The following SHFL variants were observed in gnomAD, a reference collection of about 807,000 sequenced individuals.
SHFL encodes shiftless antiviral inhibitor of ribosomal frameshifting protein.
Under a neutral mutation model 34.7 loss-of-function variants are expected in SHFL, and 12 were observed. The ratio of observed to expected loss-of-function variants is 0.35; its 90% CI spans 0.22 to 0.56. The LOEUF (loss-of-function observed/expected upper bound fraction) is 0.56. Ranked by LOEUF, SHFL falls within the 20% of genes least tolerant of loss-of-function variation. The pLI, the probability that SHFL is intolerant of heterozygous loss-of-function variation, is 0.88. For synonymous variants in SHFL, 148 were observed against 156.0 expected (o/e 0.95, Z 0.38); for missense variants, 278 against 411.1 (o/e 0.68, Z 2.80).
intron 3 of SHFL, 170 bp downstream of exon 3, chr19:10,087,470 G>C: frequency 1.5e-6 from 1 of 682,176 alleles, no homozygotes; most frequent in Non-Finnish European, 2.5e-6. Context: ...TCATTTGTCC[G>C]GCCAGGGAGC....
In SHFL at chr19:10,092,684, T is replaced by A; in HGVS notation, c.*382T>A. ...CAGTAGACACCATCCTGGTAGCGGC[T>A]TCGGTAGTGGCCGCCGTGGTGCCAC... On this transcript the variant is annotated 3_prime_UTR_variant, in exon 8 of 8. Transcript: ENST00000253110. 6.2e-7 allele frequency: 1 copy of A among 1,614,034 alleles called. No individual in the cohort carries two copies. Among genetic ancestry groups the A allele is most frequent in the Non-Finnish European group, 8.5e-7 (1 of 1,179,924 alleles).
rs1599271416 is a variant in SHFL at position 10,086,384 on chromosome 19, GCCGCGCAGTGCGGAC to G, written c.-41_-27del. The G allele has an allele frequency of 7.8e-7, 1 of 1,283,736 alleles. No homozygotes were observed. The highest frequency in any genetic ancestry group is 3.0e-5 in the East Asian group (1 of 33,670). The allele number at this position is 1,283,736 out of a possible 1,614,324, so 79.5% of individuals were successfully genotyped here. ...CGCACCCAGGTAGGGGGGCGGCTGA[GCCGCGCAGTGCGGAC>G]CCTCGCGGGGAACTGCGCCGCCGCC... On this transcript the variant is annotated 5_prime_UTR_variant, in exon 1 of 8. Coordinates refer to ENST00000253110, the MANE Select transcript of SHFL (RefSeq NM_018381.4). This position sits in a 1 kb window ranked among gnomAD's most constrained non-coding sequence, Gnocchi z 5.2.
intron 3 of SHFL, chr19:10,089,269 A>C: frequency 1.3e-6 from 2 of 1,573,762 alleles, no homozygotes; most frequent in Non-Finnish European, 1.7e-6. Flanking sequence ...TGGAAGTGAT[A>C]CAGCTGGGAT....
In SHFL at chr19:10,092,125, C is replaced by T. The variant is rs2088403151; in HGVS notation, c.699C>T (p.His233=). 6.2e-7 allele frequency: 1 copy of T among 1,613,750 alleles called. No individual in the cohort carries two copies. Among genetic ancestry groups the T allele is most frequent in the Non-Finnish European group, 8.5e-7 (1 of 1,179,824 alleles). ...CAHPKSRKQN[H]LPKVLHPSNP... ...ACCCCAAGAGCCGGAAGCAGAACCA[C>T]CTGCCCAAAGTGCTCCACCCCAGCA... Residue 233 remains histidine, a synonymous_variant, in exon 8 of 8, where the codon CAC becomes CAT. Coordinates refer to ENST00000253110, the MANE Select transcript of SHFL (RefSeq NM_018381.4).
chr19:10,087,689 G>A (rs1250066626), intron 3 of SHFL: 1 of 260,222 alleles, frequency 3.8e-6, no homozygotes, highest in African/African-American at 2.3e-5. Context: ...CAGGGGTCTT[G>A]GGGTGGGGGA....
Position 10,093,192 on chromosome 19 carries a change from T to C in SHFL, c.*890T>C. ...TGGACTCCCCATCCCCCCACCAGGA[T>C]AAAAGTCCTGACCTTTGTTCTCTTG... On this transcript the variant is annotated 3_prime_UTR_variant, in exon 8 of 8. Transcript: ENST00000253110. The C allele has an allele frequency of 9.6e-7, 1 of 1,038,622 alleles. No individual in the cohort carries two copies. 64.3% of individuals were successfully genotyped at this position (1,038,622 alleles called of 1,614,324 possible).
intron 7 of SHFL, 61 bp from the exon 8 acceptor site, chr19:10,092,009 C>G: frequency 6.2e-7 from 1 of 1,606,916 alleles, no homozygotes. Context: ...CCTAAGTCCC[C>G]TCCTCCCCAG....
chr19:10,086,530 G>A lies in SHFL; in HGVS notation c.21+82G>A. 8.0e-7 allele frequency: 1 copy of A among 1,257,766 alleles called. No homozygotes were observed. The highest frequency in any genetic ancestry group is 1.0e-6 in the Non-Finnish European group (1 of 976,948). The allele number at this position is 1,257,766 out of a possible 1,614,324, so 77.9% of individuals were successfully genotyped here. ...CGGGAGGCGCGGAGGGGGCTTCGCA[G>A]TTCCTGGGGACCCCCATCCTAGAAC... On this transcript the variant is annotated intron_variant, in intron 1 of 7. Coordinates refer to ENST00000253110, the MANE Select transcript of SHFL (RefSeq NM_018381.4). The surrounding 1 kb of genome is among the most constrained non-coding windows in gnomAD (Gnocchi z 5.2).
At position 10,089,901 on chromosome 19, in the gene SHFL, GT is replaced by G; in HGVS notation, c.239del (p.Val80GlyfsTer8). The G allele has an allele frequency of 6.2e-7, 1 of 1,611,124 alleles. No individual in the cohort carries two copies. The highest frequency in any genetic ancestry group is 8.5e-7 in the Non-Finnish European group (1 of 1,178,958). ...CCCCACCTGCCCCATTCCACAGGCA[GT>G]GGCGACCTCCCTCCTGCCACTGACA... ...DMKQDRDIQAVATSLLPLTEA... is the reference protein window; with the variant it reads ...DMKQDRDIQAXATSLLPLTEA... On this transcript the variant is annotated frameshift_variant, in exon 5 of 8. Coordinates refer to ENST00000253110, the MANE Select transcript of SHFL (RefSeq NM_018381.4). LOFTEE classifies it high-confidence loss of function.
intron 5 of SHFL, among the ~76,000 whole-genome samples, chr19:10,090,973 C>T (rs146781880): frequency 6.4e-4 from 97 of 152,180 alleles, no homozygotes; most frequent in African/African-American, 2.3e-3. Flanking sequence ...CCAAATCTGG[C>T]TTCTGAACCT....
chr19:10,092,407 G>C lies in SHFL; in HGVS notation c.*105G>C, dbSNP rs536111007. 2 of 1,520,742 alleles carry C rather than the reference G, an allele frequency of 1.3e-6. No homozygotes were observed. The highest frequency in any genetic ancestry group is 4.9e-5 in the East Asian group (2 of 41,158). 94.2% of individuals were successfully genotyped at this position (1,520,742 alleles called of 1,614,324 possible). A position where few individuals can be genotyped will look rare whatever the true frequency, so the allele number is the denominator to read the frequency against. On this transcript the variant is annotated 3_prime_UTR_variant, in exon 8 of 8. Coordinates refer to ENST00000253110, the MANE Select transcript of SHFL (RefSeq NM_018381.4). ...TATGAATGACCTTGGGGAGCCATCT[G>C]AGGCCAAGATATTGACGGGGGGGAT...
rs748813179 is a variant in SHFL at position 10,092,721 on chromosome 19, G to T, written c.*419G>T. The T allele has an allele frequency of 6.2e-7, 1 of 1,613,654 alleles. No homozygotes were observed. The highest frequency in any genetic ancestry group is 1.3e-5 in the African/African-American group (1 of 74,910). ...CGCCGTGGTGCCACACACCGTTGAG[G>T]TTGGAGTGGGCACAGGCATGGTACC... On this transcript the variant is annotated 3_prime_UTR_variant, in exon 8 of 8. Coordinates refer to ENST00000253110, the MANE Select transcript of SHFL (RefSeq NM_018381.4).
Position 10,087,002 on chromosome 19 carries a change from T to G in SHFL, c.95T>G (p.Met32Arg). ...KVSSKKAGAL[M>R]RKFGSDHTGV... ...TCCTCCAAGAAGGCGGGGGCTCTGA[T>G]GAGGAAATTCGGCAGCGACCACACG... Residue 32 changes from methionine (M) to arginine (R), a missense_variant, in exon 2 of 8, where the codon ATG becomes AGG. Transcript: ENST00000253110. 6.2e-7 allele frequency: 1 copy of G among 1,612,962 alleles called. No homozygotes were observed.
In SHFL at chr19:10,090,041, G is replaced by A. The variant is rs887750452; in HGVS notation, c.378G>A (p.Arg126=). Residue 126 remains arginine (R), a synonymous_variant, in exon 5 of 8, where the codon CGG becomes CGA. Coordinates refer to ENST00000253110, the MANE Select transcript of SHFL (RefSeq NM_018381.4). The part of the protein sequence containing the change: ...DHVWWRRVPQ[R]KEVSRCRKCR... Reference sequence around the variant, plus strand: ...TCTGGTGGCGCCGCGTGCCCCAGCGGAAGGAGGTGATGACCTAAAACTTAA... The same window carrying A: ...TCTGGTGGCGCCGCGTGCCCCAGCGAAAGGAGGTGATGACCTAAAACTTAA... 2.5e-6 allele frequency: 4 copies of A among 1,600,544 alleles called. No individual in the cohort carries two copies. Among genetic ancestry groups the A allele is most frequent in the Admixed American group, 1.7e-5 (1 of 58,006 alleles).
At position 10,086,891 on chromosome 19, in the gene SHFL, C is replaced by G. The variant is rs1371827407; in HGVS notation, c.22-38C>G. On this transcript the variant is annotated intron_variant, in intron 1 of 7. Transcript: ENST00000253110. This position sits in a 1 kb window ranked among gnomAD's most constrained non-coding sequence, Gnocchi z 5.2. ...AGATGGGGGAGGGATGATCCCGTTTCCCCTTCCCCCACCGGAACCCCCCTG... is the reference window on the plus strand; with the variant it reads ...AGATGGGGGAGGGATGATCCCGTTTGCCCTTCCCCCACCGGAACCCCCCTG... 6.2e-7 allele frequency: 1 copy of G among 1,609,926 alleles called. No homozygotes were observed. The highest frequency in any genetic ancestry group is 2.2e-5 in the East Asian group (1 of 44,772).
intron 5 of SHFL, 104 bp downstream of exon 5, chr19:10,090,151 A>G: frequency 7.7e-7 from 1 of 1,301,182 alleles, no homozygotes; most frequent in Non-Finnish European, 1.1e-6. Context: ...AATCACTGAG[A>G]GTCCAATCCC....
At chr19:10,089,102 A>G in intron 3 of SHFL, 1 of 614,094 alleles carries the variant, frequency 1.6e-6, no homozygotes, top group Non-Finnish European at 2.9e-6. Flanking sequence ...ATTTATCCCC[A>G]TTTCACAGAC....
Position 10,093,105 on chromosome 19 carries a change from C to G in SHFL, c.*803C>G, listed in dbSNP as rs1430166028. 7.2e-6 allele frequency: 4 copies of G among 558,578 alleles called. No individual in the cohort carries two copies. The highest frequency in any genetic ancestry group is 1.3e-5 in the Non-Finnish European group (4 of 319,676). 34.6% of individuals were successfully genotyped at this position (558,578 alleles called of 1,614,324 possible). ...TCTAGAATAAGAGTACTAGCTCTCA[C>G]CCTCTGCCCTTTACTTGAACAGGAG... On this transcript the variant is annotated 3_prime_UTR_variant, in exon 8 of 8. Coordinates refer to ENST00000253110, the MANE Select transcript of SHFL (RefSeq NM_018381.4).
Position 10,091,508 on chromosome 19 carries a change from G to T in SHFL, c.521G>T (p.Cys174Phe), listed in dbSNP as rs2088388552. 6.5e-7 allele frequency: 1 copy of T among 1,546,280 alleles called. No homozygotes were observed. The highest frequency in any genetic ancestry group is 1.4e-5 in the African/African-American group (1 of 72,820). ...GWAQMGSPSP[C>F]YGCGFPVYPT... ...GCACAGATGGGGTCCCCGTCCCCCT[G>T]CTACGGGTGCGGCTTCCCCGTGTAT... Residue 174 changes from cysteine to phenylalanine, a missense_variant, in exon 7 of 8, where the codon TGC becomes TTC. This residue lies in a region of SHFL where 243 missense variants were observed against 386.2 expected (regional missense o/e 0.63). Coordinates refer to ENST00000253110, the MANE Select transcript of SHFL (RefSeq NM_018381.4). This position sits in a 1 kb window ranked among gnomAD's most constrained non-coding sequence, Gnocchi z 8.2.
Sources: gnomAD v4.1 joint callset for allele counts (sites outside exome capture counted in the v4.1 genomes callset) on GRCh38, gnomAD v4.1.1 for gene constraint, gnomAD v4.1.1 regional missense constraint, Gnocchi (gnomAD v3.1) non-coding constraint, MANE v1.5 for transcripts, NCBI Gene and HGNC (gene_info 2026-07-23, HGNC 2026-07-21) for gene names.